LEPROTL1: variants seen among roughly 807,000 people sequenced by gnomAD.
The protein encoded by LEPROTL1 is leptin receptor overlapping transcript like 1.
Under a neutral mutation model 15.4 loss-of-function variants are expected in LEPROTL1, and 6 were observed. The ratio of observed to expected loss-of-function variants is 0.39; its 90% confidence interval spans 0.21 to 0.77. The LOEUF (loss-of-function observed/expected upper bound fraction) is 0.77. LEPROTL1 is among the 30% of genes least tolerant of loss of function. The probability of loss-of-function intolerance (pLI) is 0.41; values close to 1 mark genes in which losing one functional copy is unlikely to be tolerated. For synonymous variants in LEPROTL1, 56 were observed against 52.6 expected (o/e 1.06, Z -0.28); for missense variants, 128 against 158.1 (o/e 0.81, Z 1.02).
Position 30,104,537 on chromosome 8 carries a change from A to G in LEPROTL1, c.279+51A>G, listed in dbSNP as rs185434683. 6.4e-4 allele frequency: 836 copies of G among 1,301,562 alleles called. 7 individuals are homozygous for G. In the African/African-American group the frequency reaches 0.011, roughly 17 times the overall value. The allele number at this position is 1,301,562 out of a possible 1,614,324, so 80.6% of individuals were successfully genotyped here. Reference sequence around the variant, plus strand: ...TGATTTTATATTGAACATGTGTTACATTTTTCTCAAGCAAAGTTTTTGTTA... The same window carrying G: ...TGATTTTATATTGAACATGTGTTACGTTTTTCTCAAGCAAAGTTTTTGTTA... On this transcript the variant is annotated intron_variant, in intron 3 of 3. Coordinates refer to ENST00000321250, the MANE Select transcript of LEPROTL1 (RefSeq NM_015344.3).
intron 3 of LEPROTL1, among the ~76,000 whole-genome samples, chr8:30,129,638 GA>G (rs922545906): frequency 1.3e-5 from 2 of 151,778 alleles, no homozygotes; most frequent in African/African-American, 4.8e-5. Flanking sequence ...CTAGGAGGCA[GA>G]GGTTGCAATG....
At position 30,106,868 on chromosome 8, in the gene LEPROTL1, T is replaced by C. The variant is rs1802576655; in HGVS notation, c.*1006T>C. On this transcript the variant is annotated 3_prime_UTR_variant, in exon 4 of 4. Transcript: ENST00000321250. ...GGTATGTTGTATATATTACATAAAA[T>C]AACTTTTCAAATATAGTTTAATAAC... 1.0e-6 allele frequency: 1 copy of C among 983,524 alleles called. No homozygotes were observed. Among genetic ancestry groups the C allele is most frequent in the Non-Finnish European group, 1.2e-6 (1 of 827,934 alleles). The allele number at this position is 983,524 out of a possible 1,614,324, so 60.9% of individuals were successfully genotyped here. A position where few individuals can be genotyped will look rare whatever the true frequency, so the allele number is the denominator to read the frequency against.
Position 30,107,109 on chromosome 8 carries a change from C to G in LEPROTL1, c.*1247C>G. 1 of 981,174 alleles carries G rather than the reference C, an allele frequency of 1.0e-6. No homozygotes were observed. 60.8% of individuals were successfully genotyped at this position (981,174 alleles called of 1,614,324 possible). A position where few individuals can be genotyped will look rare whatever the true frequency, so the allele number is the denominator to read the frequency against. ...TAAAAGTATTTTTAAGACAAGTTTCCTGTATACCTCTGAACTGTTTTGATT... is the reference window on the plus strand; with the variant it reads ...TAAAAGTATTTTTAAGACAAGTTTCGTGTATACCTCTGAACTGTTTTGATT... On this transcript the variant is annotated 3_prime_UTR_variant, in exon 4 of 4. Coordinates refer to ENST00000321250, the MANE Select transcript of LEPROTL1 (RefSeq NM_015344.3).
chr8:30,095,615 C>T (rs1349624133), intron 1 of LEPROTL1, 87 bp downstream of exon 1: 15 of 1,143,800 alleles, frequency 1.3e-5, no homozygotes, highest in Non-Finnish European at 1.7e-5. Flanking sequence ...CACTTCCCCT[C>T]CGGGCTCGCG....
chr8:30,101,770 T>G (rs1802471580), intron 1 of LEPROTL1, 128 bp from the exon 2 acceptor site: 4 of 562,810 alleles, frequency 7.1e-6, no homozygotes, highest in Non-Finnish European at 6.2e-6. Context: ...ACACTTCTGA[T>G]GGCAACTTGC....
intron 4 of LEPROTL1, among the ~76,000 whole-genome samples, chr8:30,136,832 C>T (rs1803157194): frequency 1.3e-5 from 2 of 151,294 alleles, no homozygotes; most frequent in Admixed American, 6.6e-5. Flanking sequence ...GGATTCCAGG[C>T]GTCCGCCACT....
At position 30,106,363 on chromosome 8, in the gene LEPROTL1, G is replaced by A. The variant is rs1030459097; in HGVS notation, c.*501G>A. The stretch of plus-strand genomic sequence containing the variant: ...CCCAATGTTATGCAGACATACAGAC[G>A]GTTGGCATACGTTATAGACTGTATA... On this transcript the variant is annotated 3_prime_UTR_variant, in exon 4 of 4. Transcript: ENST00000321250. The A allele has an allele frequency of 7.1e-6, 7 of 986,058 alleles. No individual in the cohort carries two copies. Among genetic ancestry groups the A allele is most frequent in the Admixed American group, 1.2e-4 (2 of 16,344 alleles). 61.1% of individuals were successfully genotyped at this position (986,058 alleles called of 1,614,324 possible).
intron 3 of LEPROTL1, among the ~76,000 whole-genome samples, chr8:30,118,026 T>G (rs1802771139): frequency 1.4e-5 from 2 of 142,838 alleles, no homozygotes; most frequent in South Asian, 2.3e-4. Flanking sequence ...TTTGTTTTTT[T>G]TTTTTTTTTT....
chr8:30,121,441 A>T (rs1441675703), intron 3 of LEPROTL1, among the ~76,000 whole-genome samples: 1 of 151,612 alleles, frequency 6.6e-6, no homozygotes, highest in African/African-American at 2.4e-5. Flanking sequence ...TTCAGTCGAG[A>T]TGGGTTTTCG....
intron 1 of LEPROTL1, among the ~76,000 whole-genome samples, chr8:30,097,331 TG>T (rs916296125): frequency 2.8e-4 from 18 of 63,318 alleles, no homozygotes; most frequent in African/African-American, 5.4e-4. Flanking sequence ...TCGGTATGAC[TG>T]GAAGATGAGA....
intron 3 of LEPROTL1, among the ~76,000 whole-genome samples, chr8:30,119,889 C>T (rs1802801475): frequency 6.6e-6 from 1 of 151,986 alleles, no homozygotes; most frequent in East Asian, 1.9e-4. Flanking sequence ...GCCAACATGG[C>T]AAAATGCCGT....
In LEPROTL1 at chr8:30,104,365, G is replaced by A. The variant is rs1223196508; in HGVS notation, c.158G>A (p.Arg53Lys). ...ILSPIPYCIA[R>K]RLVDDTDAMS... ...TCACCTATTCCATACTGCATAGCAAGAAGATTAGTGGATGATACAGATGCT... is the reference window on the plus strand; with the variant it reads ...TCACCTATTCCATACTGCATAGCAAAAAGATTAGTGGATGATACAGATGCT... The change falls in exon 3 of 4, where the codon AGA becomes AAA. Residue 53 changes from arginine to lysine, a missense_variant. Physicochemically the swap from Arg to Lys is conservative, Grantham distance 26 (BLOSUM62 2). Coordinates refer to ENST00000321250, the MANE Select transcript of LEPROTL1 (RefSeq NM_015344.3). 1.9e-6 allele frequency: 3 copies of A among 1,609,790 alleles called. No homozygotes were observed. The highest frequency in any genetic ancestry group is 2.5e-6 in the Non-Finnish European group (3 of 1,177,386).
chr8:30,132,838 C>T, intron 4 of LEPROTL1: 1 of 1,551,682 alleles, frequency 6.4e-7, no homozygotes, highest in Non-Finnish European at 8.7e-7. Flanking sequence ...TTTCCCCTCA[C>T]AAATGTCCAG....
At chr8:30,105,609 T>TC (rs1802551429) in intron 3 of LEPROTL1, 137 bp from the exon 4 acceptor site, 2 of 420,440 alleles carry the variant, frequency 4.8e-6, no homozygotes, top group East Asian at 1.1e-4. Context: ...TAAGTATGTG[T>TC]TCAGCACTGT....
intron 1 of LEPROTL1, among the ~76,000 whole-genome samples, chr8:30,097,313 T>C (rs2117471362): frequency 7.6e-6 from 1 of 130,934 alleles, no homozygotes; most frequent in Non-Finnish European, 1.7e-5. Context: ...TCTAATTGGC[T>C]ACCTTATTCG....
At chr8:30,105,466 G>A (rs1802547730) in intron 3 of LEPROTL1, among the ~76,000 whole-genome samples, 3 of 148,566 alleles carry the variant, frequency 2.0e-5, no homozygotes. Flanking sequence ...TCTTTTTAAA[G>A]GAACCAAAGG....
At chr8:30,113,468 CA>C (rs1331130560), downstream of LEPROTL1, among the ~76,000 whole-genome samples, 1 of 152,088 alleles carries the variant, frequency 6.6e-6, no homozygotes, top group Non-Finnish European at 1.5e-5. Context: ...GGACCCCTGC[CA>C]AAGAGCCTGT....
intron 3 of LEPROTL1, among the ~76,000 whole-genome samples, chr8:30,127,683 AAT>A (rs760255852): frequency 3.2e-5 from 2 of 62,228 alleles, no homozygotes; most frequent in African/African-American, 8.1e-5. Flanking sequence ...AAAAAAAAAA[AAT>A]ACACACACAC....
downstream of LEPROTL1, among the ~76,000 whole-genome samples, chr8:30,109,691 A>T (rs1802626811): frequency 6.6e-6 from 1 of 152,070 alleles, no homozygotes; most frequent in Non-Finnish European, 1.5e-5. Context: ...ACAGTATATT[A>T]GGAAGAGTGG....
Sources: gnomAD v4.1 joint callset for allele counts (sites outside exome capture counted in the v4.1 genomes callset) on GRCh38, gnomAD v4.1.1 for gene constraint, MANE v1.5 for transcripts, NCBI Gene and HGNC (gene_info 2026-07-23, HGNC 2026-07-21) for gene names.